Variants in COL15A1 observed in about 807,000 individuals in gnomAD.
COL15A1 encodes collagen alpha-1(XV) chain.
In COL15A1, 111 loss-of-function variants were observed where a neutral mutation model predicts 165.9. That is an observed-to-expected ratio of 0.67 (90% CI 0.57 to 0.78). The LOEUF (loss-of-function observed/expected upper bound fraction) is 0.78. COL15A1 is among the 30% of genes least tolerant of loss of function. COL15A1 has a pLI of 0.00. For missense variants in COL15A1, 1,745 were observed against 1,789.7 expected (o/e 0.98, Z 0.45); for synonymous variants, 659 against 674.8 (o/e 0.98, Z 0.36).
At chr9:98,958,978 G>T (rs1837821301) in intron 2 of COL15A1, among the ~76,000 whole-genome samples, 1 of 152,070 alleles carries the variant, frequency 6.6e-6, no homozygotes, top group African/African-American at 2.4e-5. Flanking sequence ...TGTTGGAATG[G>T]TATGCAGCTC....
chr9:98,968,007 C>T (rs1012081184), intron 2 of COL15A1, among the ~76,000 whole-genome samples: 1 of 152,216 alleles, frequency 6.6e-6, no homozygotes, highest in Non-Finnish European at 1.5e-5. Context: ...GTCCAGAAAC[C>T]ACACTTTGAG....
Position 99,012,703 on chromosome 9 carries a change from CTTTTTTTTTTTTT to C in COL15A1, c.1354-2700_1354-2688del, listed in dbSNP as rs1156464062. Among the ~76,000 whole-genome samples, 12 of 99,786 alleles carry C rather than the reference CTTTTTTTTTTTTT, an allele frequency of 1.2e-4. No individual in the cohort carries two copies. In the East Asian group the frequency reaches 2.6e-3, roughly 22 times the overall value. The allele number at this position is 99,786 out of a possible 152,430, so 65.5% of individuals were successfully genotyped here. The stretch of plus-strand genomic sequence containing the variant: ...ATTCTTAGATTATTTGTTTCCCACC[CTTTTTTTTTTTTT>C]TTTTTTTTTTTTTGAGACGGAGTCT... On this transcript the variant is annotated intron_variant, in intron 9 of 41. Coordinates refer to ENST00000375001, the MANE Select transcript of COL15A1 (RefSeq NM_001855.5).
At chr9:99,012,847 G>A (rs1311376638) in intron 9 of COL15A1, among the ~76,000 whole-genome samples, 1 of 151,456 alleles carries the variant, frequency 6.6e-6, no homozygotes, top group Non-Finnish European at 1.5e-5. Flanking sequence ...GAGTAGCTGG[G>A]ACTACAGGTG....
At chr9:98,966,779 G>T (rs536441440) in intron 2 of COL15A1, among the ~76,000 whole-genome samples, 15 of 152,362 alleles carry the variant, frequency 9.8e-5, no homozygotes, top group African/African-American at 3.4e-4. Flanking sequence ...TCGACTCTGT[G>T]TGGTTATTAA....
rs929232672 is a variant in COL15A1, at chr9:99,004,882, T to C, written c.1201-16T>C. 1 of 1,614,000 alleles carries C rather than the reference T, an allele frequency of 6.2e-7. No individual in the cohort carries two copies. Among genetic ancestry groups the C allele is most frequent in the Non-Finnish European group, 8.5e-7 (1 of 1,179,888 alleles). On this transcript the variant is annotated splice_polypyrimidine_tract_variant and intron_variant, in intron 8 of 41. Coordinates refer to ENST00000375001, the MANE Select transcript of COL15A1 (RefSeq NM_001855.5). ...TCATGGGGCACTGACGCGGTTCCTG[T>C]TGACTTTCTATTCAGGGTCCAGATA...
Position 99,049,703 on chromosome 9 carries a change from T to C in COL15A1, c.2807T>C (p.Leu936Ser). Residue 936 changes from leucine to serine, a missense_variant, in exon 29 of 42, where the codon TTA (leucine) becomes TCA (serine). Transcript: ENST00000375001. ...PGVIMQGPPG[L>S]PGPPGPPGPP... ...TTCTTCCTTCAGGGCCCACCTGGCTTACCTGGCCCTCCAGGCCCCCCTGGG... is the reference window on the plus strand; with the variant it reads ...TTCTTCCTTCAGGGCCCACCTGGCTCACCTGGCCCTCCAGGCCCCCCTGGG... The C allele has an allele frequency of 6.2e-7, 1 of 1,613,668 alleles. No individual in the cohort carries two copies. Among genetic ancestry groups the C allele is most frequent in the Non-Finnish European group, 8.5e-7 (1 of 1,180,010 alleles).
Position 98,986,016 on chromosome 9 carries a change from C to G in COL15A1, c.552C>G (p.Arg184=), listed in dbSNP as rs775618011. ...TCGTGAACTGTGAGGAGCACAGCCGCATCCCCTTCCAGCGGTCCTCCCAGG... is the reference window on the plus strand; with the variant it reads ...TCGTGAACTGTGAGGAGCACAGCCGGATCCCCTTCCAGCGGTCCTCCCAGG... ...TLLVNCEEHS[R]IPFQRSSQAL... is the part of the protein sequence containing the mutation. Residue 184 remains arginine (R), a synonymous_variant, in exon 3 of 42, where the codon CGC becomes CGG. Transcript: ENST00000375001. The G allele has an allele frequency of 4.3e-6, 7 of 1,614,144 alleles. No homozygotes were observed. The African/African-American group carries it at 9.3e-5, about 22-fold the overall frequency.
At chr9:99,024,843 A>G (rs1284816703) in intron 14 of COL15A1, 31 bp from the exon 15 acceptor site, 2 of 1,601,306 alleles carry the variant, frequency 1.2e-6, no homozygotes, top group South Asian at 1.1e-5. Flanking sequence ...GTATTCCCCC[A>G]CTGTTTCTAA....
At chr9:98,970,052 A>T (rs1368096098) in intron 2 of COL15A1, among the ~76,000 whole-genome samples, 1 of 152,104 alleles carries the variant, frequency 6.6e-6, no homozygotes, top group African/African-American at 2.4e-5. Flanking sequence ...TTAAAAAAAA[A>T]AAAAAAAAAG....
chr9:99,036,268 C>T (rs1316625733), intron 20 of COL15A1, 45 bp from the exon 21 acceptor site: 4 of 1,613,568 alleles, frequency 2.5e-6, no homozygotes, highest in Middle Eastern at 3.3e-4. Context: ...GGAGCATTAT[C>T]GCTGTACAGT....
At chr9:98,978,065 C>G (rs7034533) in intron 2 of COL15A1, among the ~76,000 whole-genome samples, 3,453 of 152,316 alleles carry the variant, frequency 0.023, 112 homozygotes, top group African/African-American at 0.077. Flanking sequence ...TCTGTCCACC[C>G]TTGCTTGGCT....
Position 99,040,546 on chromosome 9 carries a change from C to A in COL15A1, c.2501C>A (p.Pro834Gln). The change falls in exon 23 of 42, where the codon CCA becomes CAA. Residue 834 changes from proline to glutamine, a missense_variant. Physicochemically the swap from Pro to Gln is moderately conservative, Grantham distance 76. Transcript: ENST00000375001. Reference protein sequence around the residue: ...PPGPDGLPGLPGFPGPRGPKG... With the variant: ...PPGPDGLPGLQGFPGPRGPKG... ...GGGCCGGACGGGTTGCCTGGGCTGC[C>A]AGGATTTCCAGTAAGTACCACCCTC... 6.2e-7 allele frequency: 1 copy of A among 1,614,180 alleles called. No homozygotes were observed. The highest frequency in any genetic ancestry group is 8.5e-7 in the Non-Finnish European group (1 of 1,180,032).
At chr9:98,984,163 C>T (rs970882107) in intron 2 of COL15A1, among the ~76,000 whole-genome samples, 2 of 152,204 alleles carry the variant, frequency 1.3e-5, no homozygotes, top group Admixed American at 6.5e-5. Flanking sequence ...CCTCAGGATC[C>T]GGCTTCACTT....
At chr9:99,035,480 G>A in intron 19 of COL15A1, 62 bp downstream of exon 19, 1 of 1,603,314 alleles carries the variant, frequency 6.2e-7, no homozygotes, top group East Asian at 2.2e-5. Context: ...CAGTGAGGAA[G>A]CTGTGGGCTG....
chr9:99,036,784 G>T (rs1323929661), intron 21 of COL15A1, among the ~76,000 whole-genome samples: 1 of 152,228 alleles, frequency 6.6e-6, no homozygotes, highest in Non-Finnish European at 1.5e-5. Context: ...ATGGAGGTTA[G>T]GTGGAAGGCC....
chr9:98,992,561 G>A (rs1325276855), intron 5 of COL15A1, among the ~76,000 whole-genome samples: 1 of 152,274 alleles, frequency 6.6e-6, no homozygotes, highest in Non-Finnish European at 1.5e-5. Flanking sequence ...CCACAGTGCA[G>A]TGGTGGGCTG....
chr9:99,036,858 T>C (rs1839311142), intron 21 of COL15A1, among the ~76,000 whole-genome samples: 1 of 152,210 alleles, frequency 6.6e-6, no homozygotes, highest in South Asian at 2.1e-4. Flanking sequence ...GGTTGCCAGA[T>C]GTGCTTCCCA....
At chr9:99,016,302 G>C (rs1316613003) in intron 11 of COL15A1, among the ~76,000 whole-genome samples, 183 bp downstream of exon 11, 1 of 152,216 alleles carries the variant, frequency 6.6e-6, no homozygotes, top group East Asian at 1.9e-4. Flanking sequence ...CCAGATCATA[G>C]AGAAAAAGCA....
intron 4 of COL15A1, among the ~76,000 whole-genome samples, chr9:98,988,710 G>T (rs1838360402): frequency 6.6e-6 from 1 of 152,106 alleles, no homozygotes; most frequent in Non-Finnish European, 1.5e-5. Context: ...ATCACTTGCG[G>T]TCAGGAGTTG....
Sources: gnomAD v4.1 joint callset for allele counts (sites outside exome capture counted in the v4.1 genomes callset) on GRCh38, gnomAD v4.1.1 for gene constraint, MANE v1.5 for transcripts, NCBI Gene and HGNC (gene_info 2026-07-23, HGNC 2026-07-21) for gene names.